Variants in CLSTN2 observed in about 807,000 individuals in gnomAD.
The protein encoded by CLSTN2 is calsyntenin 2, also known as calsyntenin-2.
CLSTN2 carries 48 observed loss-of-function variants against 101.2 expected under a neutral mutation model. That is an observed-to-expected ratio of 0.47 (90% CI 0.38 to 0.60). The LOEUF is 0.60. Among genes scored for constraint, CLSTN2 ranks in the 20% least tolerant of loss-of-function variants. CLSTN2 has a pLI of 0.00. For synonymous variants in CLSTN2, 481 were observed against 463.6 expected, an observed-to-expected ratio of 1.04 and a Z score of -0.48; for missense variants, 1,160 against 1,238.2, an observed-to-expected ratio of 0.94 and a Z score of 0.95.
chr3:140,323,955 G>A (rs2087308128), intron 2 of CLSTN2, among the ~76,000 whole-genome samples: 1 of 152,110 alleles, frequency 6.6e-6, no homozygotes, highest in Admixed American at 6.6e-5. Flanking sequence ...ATGTTCAAAG[G>A]CTTCACCCTG....
intron 2 of CLSTN2, among the ~76,000 whole-genome samples, chr3:140,397,716 C>T (rs2088197933): frequency 6.6e-6 from 1 of 152,202 alleles, no homozygotes; most frequent in Admixed American, 6.5e-5. Context: ...TCTCCTAATA[C>T]CTTCACTTTG....
chr3:140,421,669 T>C (rs924389844), intron 5 of CLSTN2, among the ~76,000 whole-genome samples: 9 of 152,210 alleles, frequency 5.9e-5, no homozygotes, highest in Non-Finnish European at 1.3e-4. Context: ...AAAGTCGCCA[T>C]GTTCTTTGTG....
intron 2 of CLSTN2, among the ~76,000 whole-genome samples, chr3:140,302,283 G>A (rs2087067674): frequency 6.6e-6 from 1 of 152,178 alleles, no homozygotes; most frequent in East Asian, 1.9e-4. Flanking sequence ...GGGCTGTAAT[G>A]CTGGAGACCA....
chr3:140,352,319 G>A (rs528304119), intron 2 of CLSTN2, among the ~76,000 whole-genome samples: 1 of 152,344 alleles, frequency 6.6e-6, no homozygotes, highest in Non-Finnish European at 1.5e-5. Flanking sequence ...CAAAAAGGCA[G>A]GATGGAAGTC....
chr3:140,192,098 T>C (rs2010573284), intron 2 of CLSTN2, among the ~76,000 whole-genome samples: 1 of 152,016 alleles, frequency 6.6e-6, no homozygotes, highest in South Asian at 2.1e-4. Context: ...TGTTTAGAAA[T>C]GTGTTGCAAA....
rs151063366 is a variant in CLSTN2, at chr3:140,468,686, G to A, written c.1344+1955G>A. Among the ~76,000 whole-genome samples, 636 of 152,336 alleles carry A rather than the reference G, an allele frequency of 4.2e-3. 3 individuals are homozygous for A. The highest frequency in any genetic ancestry group is 0.01 in the South Asian group (49 of 4,826). On this transcript the variant is annotated intron_variant, in intron 8 of 16. Transcript: ENST00000458420. ...CTTGCGCAAGGTCACACAGCAAACC[G>A]TGGGTAGGACCTGCCCTTTCCATTA...
At position 140,511,960 on chromosome 3, in the gene CLSTN2, T is replaced by C. The variant is rs574400000; in HGVS notation, c.1345-20364T>C. Among the ~76,000 whole-genome samples, 6 of 152,268 alleles carry C rather than the reference T, an allele frequency of 3.9e-5. No homozygotes were observed. The South Asian group carries it at 1.2e-3, about 32-fold the overall frequency. On this transcript the variant is annotated intron_variant, in intron 8 of 16. Transcript: ENST00000458420. ...TCTTCTTTTGTGAAGTGTCTGTTCA[T>C]GTCCTTTGCCCATTTTTTAATGTGA...
chr3:140,341,199 G>A (rs2087488585), intron 2 of CLSTN2, among the ~76,000 whole-genome samples: 1 of 152,172 alleles, frequency 6.6e-6, no homozygotes, highest in Admixed American at 6.5e-5. Context: ...TAATCAAAGA[G>A]AAAGGAGCTC....
intron 2 of CLSTN2, among the ~76,000 whole-genome samples, chr3:140,188,151 G>A (rs2010508740): frequency 6.6e-6 from 1 of 152,190 alleles, no homozygotes. Context: ...CTCAAAGTTT[G>A]TTGAATGAAT....
intron 2 of CLSTN2, among the ~76,000 whole-genome samples, chr3:140,215,160 T>C (rs1037753999): frequency 3.1e-4 from 47 of 152,158 alleles, no homozygotes; most frequent in African/African-American, 1.0e-3. Context: ...CTTTGCCGTC[T>C]TTCTCTCCTC....
chr3:140,103,492 C>A (rs1460375380), intron 1 of CLSTN2, among the ~76,000 whole-genome samples: 1 of 152,166 alleles, frequency 6.6e-6, no homozygotes, highest in Admixed American at 6.5e-5. Context: ...TTTGTGGCTT[C>A]ATTTAGAGAT....
intron 2 of CLSTN2, among the ~76,000 whole-genome samples, chr3:140,279,140 A>G (rs1157792357): frequency 6.6e-6 from 1 of 152,200 alleles, no homozygotes; most frequent in Non-Finnish European, 1.5e-5. Context: ...TATGCCTATG[A>G]GATCCATCCC....
intron 2 of CLSTN2, among the ~76,000 whole-genome samples, chr3:140,284,965 T>G (rs2107899116): frequency 6.6e-6 from 1 of 152,158 alleles, no homozygotes; most frequent in Non-Finnish European, 1.5e-5. Context: ...AGACAAAGGC[T>G]TGCATGCAGG....
intron 1 of CLSTN2, among the ~76,000 whole-genome samples, chr3:140,173,240 C>A (rs145749040): frequency 4.1e-4 from 62 of 152,338 alleles, no homozygotes; most frequent in Middle Eastern, 3.4e-3. Flanking sequence ...AGGGCCCATG[C>A]AAGTCCAAAA....
Position 140,252,520 on chromosome 3 carries a change from AAC to A in CLSTN2, c.232+76451_232+76452del, listed in dbSNP as rs139293032. ...GACACAGAAGGGCGTATAGATGAAA[AAC>A]ACAGCCAGAAAGGTAAAGTGAAAGA... On this transcript the variant is annotated intron_variant, in intron 2 of 16. Coordinates refer to ENST00000458420, the MANE Select transcript of CLSTN2 (RefSeq NM_022131.3). Among the ~76,000 whole-genome samples the A allele has an allele frequency of 2.0e-3, 311 of 152,264 alleles. 1 individual carries two copies. The highest frequency in any genetic ancestry group is 6.7e-3 in the African/African-American group (277 of 41,556).
At chr3:140,269,118 C>T (rs2086719864) in intron 2 of CLSTN2, among the ~76,000 whole-genome samples, 1 of 152,150 alleles carries the variant, frequency 6.6e-6, no homozygotes, top group Non-Finnish European at 1.5e-5. Context: ...AGGCTTACTC[C>T]TTATTTACTG....
chr3:139,979,548 A>G (rs946197763), intron 1 of CLSTN2, among the ~76,000 whole-genome samples: 6 of 151,916 alleles, frequency 3.9e-5, no homozygotes, highest in African/African-American at 1.4e-4. Context: ...CTAAAAAAAT[A>G]ATTTAAAAAA....
intron 1 of CLSTN2, among the ~76,000 whole-genome samples, chr3:140,163,970 G>A (rs1338242011): frequency 6.6e-6 from 1 of 151,902 alleles, no homozygotes. Flanking sequence ...CTATCTTAGG[G>A]GTTAAAGATG....
intron 5 of CLSTN2, among the ~76,000 whole-genome samples, chr3:140,425,330 G>A (rs2107993876): frequency 6.6e-6 from 1 of 152,344 alleles, no homozygotes; most frequent in East Asian, 1.9e-4. Context: ...TGATGCCCCA[G>A]GGCAGTGGCC....
Sources: gnomAD v4.1 joint callset for allele counts (sites outside exome capture counted in the v4.1 genomes callset) on GRCh38, gnomAD v4.1.1 for gene constraint, MANE v1.5 for transcripts, NCBI Gene and HGNC (gene_info 2026-07-23, HGNC 2026-07-21) for gene names.